Variants in NTPCR observed in about 807,000 individuals in gnomAD.
The protein encoded by NTPCR is nucleoside-triphosphatase, cancer-related, also known as cancer-related nucleoside-triphosphatase.
In NTPCR, 15 loss-of-function variants were observed where a neutral mutation model predicts 19.5. The observed-to-expected ratio is 0.77, with a 90% confidence interval of 0.51 to 1.18. The LOEUF is 1.18. NTPCR is among the 50% of genes most tolerant of loss of function. The pLI, the probability that NTPCR is intolerant of heterozygous loss-of-function variation, is 0.00. For missense variants in NTPCR, 206 were observed against 240.4 expected (o/e 0.86, Z 0.95); for synonymous variants, 90 against 95.8 (o/e 0.94, Z 0.36).
intron 4 of NTPCR, chr1:232,976,230 A>T: frequency 7.7e-7 from 1 of 1,303,638 alleles, no homozygotes; most frequent in Non-Finnish European, 1.0e-6. Flanking sequence ...TGATCAAATC[A>T]GGGTAATTTC....
At chr1:232,960,313 C>G (rs1482169537) in intron 3 of NTPCR, among the ~76,000 whole-genome samples, 1 of 149,206 alleles carries the variant, frequency 6.7e-6, no homozygotes, top group African/African-American at 2.5e-5. Flanking sequence ...CCTTGCAAAA[C>G]TGCTCTGGTT....
intron 4 of NTPCR, chr1:232,976,827 C>T (rs747502636): frequency 6.2e-4 from 166 of 269,012 alleles, no homozygotes; most frequent in Middle Eastern, 2.4e-3. Context: ...GCACTTGCTG[C>T]GTGAGCTCAC....
At chr1:232,960,600 C>T (rs1437109958) in intron 3 of NTPCR, among the ~76,000 whole-genome samples, 1 of 152,072 alleles carries the variant, frequency 6.6e-6, no homozygotes, top group Non-Finnish European at 1.5e-5. Context: ...CCTTGGCCTC[C>T]CAAAGTGCTG....
At chr1:232,952,768 A>G (rs899778865) in intron 1 of NTPCR, among the ~76,000 whole-genome samples, 4 of 151,818 alleles carry the variant, frequency 2.6e-5, no homozygotes, top group Admixed American at 1.3e-4. Context: ...TGTTTTCTCA[A>G]TATGTTCAGA....
rs149391899 is a variant in NTPCR, at chr1:232,961,042, G to A, written c.294+4599G>A. On this transcript the variant is annotated intron_variant, in intron 3 of 4. Transcript: ENST00000366628. ...TGTTATGTATAGTTTCATAGGCTTGGTGTGTTTCCCTTAATATGATTGAGG... is the reference window on the plus strand; with the variant it reads ...TGTTATGTATAGTTTCATAGGCTTGATGTGTTTCCCTTAATATGATTGAGG... Among the ~76,000 whole-genome samples, 31 of 152,264 alleles carry A rather than the reference G, an allele frequency of 2.0e-4. No homozygotes were observed. The East Asian group carries it at 5.8e-3, about 28-fold the overall frequency.
chr1:232,960,751 G>C (rs1191448180), intron 3 of NTPCR, among the ~76,000 whole-genome samples: 1 of 152,132 alleles, frequency 6.6e-6, no homozygotes, highest in Non-Finnish European at 1.5e-5. Flanking sequence ...GAAGGTTTTT[G>C]GAAAGCCTCT....
Position 232,970,070 on chromosome 1 carries a change from G to T in NTPCR, c.456G>T (p.Leu152=). 6.2e-7 allele frequency: 1 copy of T among 1,614,150 alleles called. No homozygotes were observed. Among genetic ancestry groups the T allele is most frequent in the South Asian group, 1.1e-5 (1 of 91,084 alleles). Residue 152 remains leucine, a synonymous_variant, in exon 4 of 5, where the codon CTG becomes CTT. Transcript: ENST00000366628. ...GTIPVPKGKP[L]ALVEEIRNRK... Reference sequence around the variant, plus strand: ...TCCCAGTTCCTAAAGGAAAGCCACTGGCTCTTGTAGAAGAAATCAGAAACA... The same window carrying T: ...TCCCAGTTCCTAAAGGAAAGCCACTTGCTCTTGTAGAAGAAATCAGAAACA...
At chr1:232,953,357 A>C (rs1243928145) in intron 1 of NTPCR, among the ~76,000 whole-genome samples, 3 of 152,194 alleles carry the variant, frequency 2.0e-5, no homozygotes, top group Admixed American at 1.3e-4. Flanking sequence ...TCTTATCCAG[A>C]CAGCATTGGG....
chr1:232,957,852 A>G (rs1668555437), intron 3 of NTPCR, among the ~76,000 whole-genome samples: 1 of 152,242 alleles, frequency 6.6e-6, no homozygotes, highest in Non-Finnish European at 1.5e-5. Context: ...CTGACTTTAG[A>G]CCAAGGGACC....
intron 3 of NTPCR, chr1:232,964,754 A>C (rs572593967): frequency 6.6e-6 from 1 of 152,282 alleles, no homozygotes; most frequent in East Asian, 1.9e-4. Context: ...AAAAGCCATC[A>C]CCATTTTATT....
At chr1:232,962,303 T>A (rs1453873246) in intron 3 of NTPCR, 1 of 152,080 alleles carries the variant, frequency 6.6e-6, no homozygotes, top group Non-Finnish European at 1.5e-5. Flanking sequence ...ACATAAAGGG[T>A]GTCTTAATTT....
At chr1:232,970,573 C>G (rs1477729303) in intron 4 of NTPCR, among the ~76,000 whole-genome samples, 3 of 152,150 alleles carry the variant, frequency 2.0e-5, no homozygotes, top group African/African-American at 7.2e-5. Context: ...GACACAGCTT[C>G]CAGGTGCTGA....
rs1218303782 is a variant in NTPCR at position 232,975,790 on chromosome 1, TTCTTCTTTCTGCAG to T, written c.505-2364_505-2351del. ...GAAAAAAAGAATGGTTGGGATTACTTTCTTCTTTCTGCAGTCTTCTTTATTTCCTTTTCCTGCTC... is the reference window on the plus strand; with the variant it reads ...GAAAAAAAGAATGGTTGGGATTACTTTCTTCTTTATTTCCTTTTCCTGCTC... On this transcript the variant is annotated intron_variant, in intron 4 of 4. Transcript: ENST00000366628. Among the ~76,000 whole-genome samples the T allele has an allele frequency of 1.4e-4, 22 of 152,364 alleles. No homozygotes were observed. In the East Asian group the frequency reaches 4.2e-3, roughly 29 times the overall value.
intron 4 of NTPCR, among the ~76,000 whole-genome samples, chr1:232,971,855 GTCTTC>G (rs1273687802): frequency 6.6e-6 from 1 of 152,138 alleles, no homozygotes; most frequent in African/African-American, 2.4e-5. Flanking sequence ...GTTTCATGTC[GTCTTC>G]TCTTATTTTA....
In NTPCR at chr1:232,973,140, A is replaced by G. The variant is rs1571967754; in HGVS notation, c.504+3022A>G. Among the ~76,000 whole-genome samples, 3 of 152,316 alleles carry G rather than the reference A, an allele frequency of 2.0e-5. No homozygotes were observed. The East Asian group carries it at 5.8e-4, about 29-fold the overall frequency. Reference sequence around the variant, plus strand: ...GTGAAGATGAGACTGAGCCCGTGATATGGGGGAAATGTACCACACGAATTA... The same window carrying G: ...GTGAAGATGAGACTGAGCCCGTGATGTGGGGGAAATGTACCACACGAATTA... On this transcript the variant is annotated intron_variant, in intron 4 of 4. Coordinates refer to ENST00000366628, the MANE Select transcript of NTPCR (RefSeq NM_032324.3).
At chr1:232,969,821 T>G (rs1473801376) in intron 3 of NTPCR, 88 bp from the exon 4 acceptor site, 1 of 1,085,598 alleles carries the variant, frequency 9.2e-7, no homozygotes, top group African/African-American at 1.6e-5. Flanking sequence ...CTTTTTTACC[T>G]CATTGGTGAG....
intron 4 of NTPCR, chr1:232,976,796 T>TAGAAATGGGATCAGCTTCTGGCAC (rs1669137334): frequency 2.9e-6 from 1 of 340,030 alleles, no homozygotes; most frequent in African/African-American, 2.1e-5. Context: ...CCAGGACCAG[T>TAGAAATGGGATCAGCTTCTGGCAC]AGAAATGGGA....
rs1297692972 is a variant in NTPCR at position 232,969,555 on chromosome 1, C to T, written c.295-354C>T. ...AAGTGAAAATTAAAAGGAAACAAGTCTTGGCTAAAGGGGAAAAAAAAGTAA... is the reference window on the plus strand; with the variant it reads ...AAGTGAAAATTAAAAGGAAACAAGTTTTGGCTAAAGGGGAAAAAAAAGTAA... On this transcript the variant is annotated intron_variant, in intron 3 of 4. Transcript: ENST00000366628. 3.8e-5 allele frequency: 8 copies of T among 212,408 alleles called. No homozygotes were observed. In the East Asian group the frequency reaches 6.7e-4, roughly 18 times the overall value. The allele number at this position is 212,408 out of a possible 1,614,324, so 13.2% of individuals were successfully genotyped here. A position where few individuals can be genotyped will look rare whatever the true frequency, so the allele number is the denominator to read the frequency against.
chr1:232,954,799 A>G (rs975796896), intron 1 of NTPCR, among the ~76,000 whole-genome samples: 27 of 152,206 alleles, frequency 1.8e-4, no homozygotes, highest in African/African-American at 6.5e-4. Context: ...GGTGCTTACA[A>G]ACCAGTGAGT....
Sources: gnomAD v4.1 joint callset for allele counts (sites outside exome capture counted in the v4.1 genomes callset) on GRCh38, gnomAD v4.1.1 for gene constraint, MANE v1.5 for transcripts, NCBI Gene and HGNC (gene_info 2026-07-23, HGNC 2026-07-21) for gene names.